The following DCLK1 variants were observed in gnomAD, a reference collection of about 807,000 sequenced individuals.
DCLK1 encodes serine/threonine-protein kinase DCLK1.
A neutral mutation model predicts 86.2 loss-of-function variants in DCLK1; 16 were observed. The ratio of observed to expected loss-of-function variants is 0.19; its 90% CI spans 0.13 to 0.28. DCLK1 has a LOEUF of 0.28. Ranked by LOEUF, DCLK1 falls within the 10% of genes least tolerant of loss-of-function variation. DCLK1 has a pLI of 1.00. For missense variants in DCLK1, 590 were observed against 940.2 expected, an observed-to-expected ratio of 0.63 and a Z score of 4.87; for synonymous variants, 369 against 370.5, an observed-to-expected ratio of 1.00 and a Z score of 0.05.
intron 16 of DCLK1, among the ~76,000 whole-genome samples, chr13:35,786,251 A>C (rs2086618970): frequency 6.6e-6 from 1 of 152,200 alleles, no homozygotes; most frequent in African/African-American, 2.4e-5. Flanking sequence ...AATTTTCCAG[A>C]GGTTTTTGAA....
At chr13:35,895,323 T>C (rs1233642830) in intron 4 of DCLK1, among the ~76,000 whole-genome samples, 1 of 151,838 alleles carries the variant, frequency 6.6e-6, no homozygotes, top group Non-Finnish European at 1.5e-5. Context: ...ATTCACTGGA[T>C]GGATTTTAAA....
intron 14 of DCLK1, among the ~76,000 whole-genome samples, chr13:35,807,696 A>G (rs2087056150): frequency 6.6e-6 from 1 of 152,242 alleles, no homozygotes; most frequent in Non-Finnish European, 1.5e-5. Flanking sequence ...CTACTTATTT[A>G]TATCTATCTT....
At chr13:35,867,966 A>AAAGAAAGAAAGAAAGAAAGG (rs1483381630) in intron 5 of DCLK1, among the ~76,000 whole-genome samples, 11 of 146,708 alleles carry the variant, frequency 7.5e-5, no homozygotes, top group East Asian at 6.0e-4. Context: ...AGAAAGAAAG[A>AAAGAAAGAAAGAAAGAAAGG]GAAAAAGAAA....
intron 4 of DCLK1, among the ~76,000 whole-genome samples, chr13:35,937,729 A>T (rs1876843318): frequency 6.6e-6 from 1 of 152,188 alleles, no homozygotes; most frequent in African/African-American, 2.4e-5. Flanking sequence ...CAATTTTTCT[A>T]AAAAAACTGA....
At chr13:35,857,631 A>G (rs1284959274) in intron 5 of DCLK1, among the ~76,000 whole-genome samples, 2 of 152,238 alleles carry the variant, frequency 1.3e-5, no homozygotes, top group African/African-American at 4.8e-5. Flanking sequence ...ATTCTTTTAA[A>G]CTAAGAAGAC....
At chr13:35,938,425 G>A (rs931023865) in intron 4 of DCLK1, among the ~76,000 whole-genome samples, 2 of 152,042 alleles carry the variant, frequency 1.3e-5, no homozygotes, top group Non-Finnish European at 2.9e-5. Context: ...GTCAGGAGAT[G>A]GAGACCATCC....
At chr13:35,980,823 T>A (rs771360984) in intron 3 of DCLK1, among the ~76,000 whole-genome samples, 1 of 152,084 alleles carries the variant, frequency 6.6e-6, no homozygotes, top group African/African-American at 2.4e-5. Flanking sequence ...TCTTTTTTTT[T>A]AATGTAATTT....
At chr13:35,941,545 G>A (rs945648606) in intron 4 of DCLK1, among the ~76,000 whole-genome samples, 4 of 152,090 alleles carry the variant, frequency 2.6e-5, no homozygotes, top group Admixed American at 2.6e-4. Flanking sequence ...CTGGAGATCG[G>A]GCACTACACA....
intron 5 of DCLK1, among the ~76,000 whole-genome samples, chr13:35,865,725 TA>T (rs915807270): frequency 7.9e-5 from 12 of 152,198 alleles, no homozygotes; most frequent in African/African-American, 2.9e-4. Context: ...CTAACATTAA[TA>T]AATCACTTTG....
chr13:35,963,459 C>T (rs1034216046), intron 3 of DCLK1, among the ~76,000 whole-genome samples: 8 of 152,030 alleles, frequency 5.3e-5, no homozygotes, highest in East Asian at 1.9e-4. Context: ...ATGTGAAGAC[C>T]GGGATTATCA....
rs2086279781 is a variant in DCLK1, at chr13:35,768,928, A to G, written c.*5607T>C. ...TGAACTAAGGTGAAATTTTACTCCA[A>G]TATGGCAAATGAACTGAGGAGCGTA... On this transcript the variant is annotated 3_prime_UTR_variant, in exon 17 of 17. Transcript: ENST00000360631. 1 of 152,216 alleles carries G rather than the reference A, an allele frequency of 6.6e-6. No individual in the cohort carries two copies. The highest frequency in any genetic ancestry group is 2.1e-4 in the South Asian group (1 of 4,834). The allele number at this position is 152,216 out of a possible 1,614,324, so 9.4% of individuals were successfully genotyped here.
chr13:35,900,399 C>T (rs1371261738), intron 4 of DCLK1, among the ~76,000 whole-genome samples: 1 of 152,058 alleles, frequency 6.6e-6, no homozygotes, highest in African/African-American at 2.4e-5. Context: ...CACCACCACA[C>T]CCAGCTAATT....
rs1877604262 is a variant in DCLK1, at chr13:35,950,404, CT to C, written c.724-2948del. 7.9e-5 allele frequency among the ~76,000 whole-genome samples: 12 copies of C among 152,186 alleles called. 1 individual carries two copies. In the South Asian group the frequency reaches 2.5e-3, roughly 32 times the overall value. On this transcript the variant is annotated intron_variant, in intron 3 of 16. Transcript: ENST00000360631. Reference sequence around the variant, plus strand: ...AGACAAATGTACATTGAGAATTTTCCTTGAGGCATTACTGTACATTCTGATA... The same window carrying C: ...AGACAAATGTACATTGAGAATTTTCCTGAGGCATTACTGTACATTCTGATA...
At chr13:35,926,032 A>C (rs1876098335) in intron 4 of DCLK1, among the ~76,000 whole-genome samples, 1 of 152,022 alleles carries the variant, frequency 6.6e-6, no homozygotes, top group South Asian at 2.1e-4. Flanking sequence ...CTTGGCCAGA[A>C]GGGAAGAAAT....
rs372450457 is a variant in DCLK1, at chr13:35,774,616, A to T, written c.2142T>A (p.Ala714=). Residue 714 remains alanine, a synonymous_variant, in exon 17 of 17, where the codon GCT becomes GCA. Transcript: ENST00000360631. ...DVRSRYKAQP[A]PPELNSESED... ...CCGATTCCGAGTTGAGTTCGGGAGG[A>T]GCTGGCTGCGCCTTGTACCGGCTCC... 131 of 1,601,126 alleles carry T rather than the reference A, an allele frequency of 8.2e-5. No homozygotes were observed. In the Middle Eastern group the frequency reaches 1.3e-3, roughly 16 times the overall value.
intron 8 of DCLK1, among the ~76,000 whole-genome samples, chr13:35,832,571 C>A (rs78247613): frequency 6.6e-6 from 1 of 152,132 alleles, no homozygotes; most frequent in African/African-American, 2.4e-5. Context: ...CTAGGAGGTG[C>A]TCTGCATATA....
chr13:36,045,499 T>C (rs1379745926), intron 3 of DCLK1, among the ~76,000 whole-genome samples: 2 of 151,372 alleles, frequency 1.3e-5, no homozygotes, highest in African/African-American at 4.8e-5. Flanking sequence ...AAATTAAAAA[T>C]TGGAATATAA....
At chr13:36,088,149 G>T (rs534818420) in intron 3 of DCLK1, among the ~76,000 whole-genome samples, 1 of 152,340 alleles carries the variant, frequency 6.6e-6, no homozygotes, top group Admixed American at 6.5e-5. Context: ...AAGGTTAAGT[G>T]ACTGCTGGAT....
At chr13:35,847,655 G>GAAAGAAAT in intron 6 of DCLK1, 1 of 932,694 alleles carries the variant, frequency 1.1e-6, no homozygotes, top group Non-Finnish European at 1.3e-6. Flanking sequence ...AAGAAAGAAA[G>GAAAGAAAT]AAAAAGAGCC....
Sources: allele counts gnomAD v4.1 joint callset (sites outside exome capture counted in the v4.1 genomes callset), GRCh38; gene constraint gnomAD v4.1.1; transcripts MANE v1.5; gene names NCBI Gene and HGNC (gene_info 2026-07-23, HGNC 2026-07-21).